RAD51: variants seen among roughly 807,000 people sequenced by gnomAD.
RAD51 encodes the protein RAD51 recombinase.
A neutral mutation model predicts 41.5 loss-of-function variants in RAD51; 14 were observed. That is an observed-to-expected ratio of 0.34 (90% CI 0.22 to 0.53). The LOEUF (loss-of-function observed/expected upper bound fraction) is 0.53, where lower values mean the gene tolerates loss of function less well. RAD51 is among the 20% of genes least tolerant of loss of function. The probability of loss-of-function intolerance (pLI) is 0.95; values close to 1 mark genes in which losing one functional copy is unlikely to be tolerated. For missense variants in RAD51, 234 were observed against 422.0 expected, an observed-to-expected ratio of 0.55 and a Z score of 3.90; for synonymous variants, 136 against 148.6, an observed-to-expected ratio of 0.92 and a Z score of 0.62.
At chr15:40,719,043 T>C (rs1896130795) in intron 6 of RAD51, 144 bp downstream of exon 6, 2 of 743,352 alleles carry the variant, frequency 2.7e-6, no homozygotes, top group Admixed American at 2.3e-5. Context: ...ACTTCCTTAG[T>C]AGAAAAAGGC....
At chr15:40,714,761 A>G (rs1895903126) in intron 5 of RAD51, among the ~76,000 whole-genome samples, 1 of 152,252 alleles carries the variant, frequency 6.6e-6, no homozygotes, top group Admixed American at 6.5e-5. Flanking sequence ...TTCTCAATTT[A>G]ATGAAGTAAA....
At chr15:40,724,198 T>C (rs1896423309) in intron 6 of RAD51, among the ~76,000 whole-genome samples, 1 of 152,244 alleles carries the variant, frequency 6.6e-6, no homozygotes. Flanking sequence ...ATTACTCTTT[T>C]GCAGTCTGAT....
rs752351863 is a variant in RAD51, at chr15:40,728,699, C to A, written c.531-12C>A. The A allele has an allele frequency of 5.0e-6, 8 of 1,609,394 alleles. No individual in the cohort carries two copies. The East Asian group carries it at 1.8e-4, about 36-fold the overall frequency. On this transcript the variant is annotated splice_polypyrimidine_tract_variant and intron_variant, in intron 6 of 9. Transcript: ENST00000267868. ...TGTGTGCAGCCTAAAAATGTTCTCT[C>A]CTCTCTCATAGGTATGGTCTCTCTG...
intron 5 of RAD51, among the ~76,000 whole-genome samples, chr15:40,716,364 G>A (rs781598128): frequency 1.7e-4 from 26 of 151,426 alleles, no homozygotes; most frequent in Admixed American, 6.6e-4. Context: ...TTTTTTCTCC[G>A]CCACTTCCTC....
intron 4 of RAD51, among the ~76,000 whole-genome samples, chr15:40,707,536 A>G (rs1408529214): frequency 6.6e-6 from 1 of 151,100 alleles, no homozygotes; most frequent in Non-Finnish European, 1.5e-5. Flanking sequence ...CGAACTCCTG[A>G]CCTCAGATGA....
chr15:40,694,974 G>T (rs550081935), upstream of RAD51: 4 of 152,224 alleles, frequency 2.6e-5, no homozygotes, highest in East Asian at 7.7e-4. Context: ...ACACGCGTGA[G>T]CCACCGCCCC....
intron 4 of RAD51, 67 bp from the exon 5 acceptor site, chr15:40,708,958 C>A: frequency 7.4e-7 from 1 of 1,342,348 alleles, no homozygotes; most frequent in Non-Finnish European, 1.1e-6. Context: ...GCTCCAAGAA[C>A]ATTTCTATGA....
chr15:40,722,882 T>C (rs569574351), intron 6 of RAD51, among the ~76,000 whole-genome samples: 194 of 152,320 alleles, frequency 1.3e-3, no homozygotes, highest in African/African-American at 4.5e-3. Context: ...TAAAAACTTC[T>C]GTGCTTCAAA....
chr15:40,714,257 C>A (rs541821118), intron 5 of RAD51, among the ~76,000 whole-genome samples: 61 of 152,098 alleles, frequency 4.0e-4, no homozygotes, highest in Non-Finnish European at 7.5e-4. Flanking sequence ...ATAGCTATTG[C>A]GTGAGCTCCA....
chr15:40,712,496 C>T (rs977273086), intron 5 of RAD51, among the ~76,000 whole-genome samples: 1 of 152,118 alleles, frequency 6.6e-6, no homozygotes, highest in African/African-American at 2.4e-5. Context: ...AGCTAACAAA[C>T]TTTCATCTTT....
chr15:40,703,101 C>T (rs1340114085), intron 3 of RAD51, among the ~76,000 whole-genome samples: 1 of 152,200 alleles, frequency 6.6e-6, no homozygotes, highest in Admixed American at 6.5e-5. Context: ...CCCATCACAT[C>T]TACTTGTACT....
At chr15:40,729,333 A>G (rs1330834396) in intron 7 of RAD51, among the ~76,000 whole-genome samples, 172 bp from the exon 8 acceptor site, 1 of 138,726 alleles carries the variant, frequency 7.2e-6, no homozygotes, top group Non-Finnish European at 1.5e-5. Flanking sequence ...AGAATGCCCC[A>G]CTGCACTCCA....
chr15:40,708,949 C>A, intron 4 of RAD51, 76 bp from the exon 5 acceptor site: 1 of 1,252,620 alleles, frequency 8.0e-7, no homozygotes, highest in Non-Finnish European at 1.2e-6. Context: ...TTCTGATGAG[C>A]TCCAAGAACA....
At chr15:40,717,596 T>C (rs970170699) in intron 5 of RAD51, among the ~76,000 whole-genome samples, 1 of 152,156 alleles carries the variant, frequency 6.6e-6, no homozygotes, top group Middle Eastern at 3.2e-3. Flanking sequence ...TCTCTTTTCT[T>C]TCCTTTTTGT....
intron 4 of RAD51, among the ~76,000 whole-genome samples, chr15:40,708,724 A>G (rs982928111): frequency 1.3e-4 from 19 of 151,456 alleles, no homozygotes; most frequent in African/African-American, 3.9e-4. Flanking sequence ...CTGGTACTAC[A>G]GGCATCCGCC....
At position 40,731,922 on chromosome 15, in the gene RAD51, A is replaced by C. The variant is rs150778189; in HGVS notation, c.*744A>C. On this transcript the variant is annotated 3_prime_UTR_variant, in exon 10 of 10. Coordinates refer to ENST00000267868, the MANE Select transcript of RAD51 (RefSeq NM_002875.5). ...TGGTGAAATCCCATCTCTACAAAAA[A>C]TGCAGAACTTAATCTGGACACACTG... is the stretch of plus-strand genomic sequence containing the variant. The C allele has an allele frequency of 2.9e-5, 6 of 209,840 alleles. No homozygotes were observed. The highest frequency in any genetic ancestry group is 1.4e-4 in the African/African-American group (6 of 44,146). The allele number at this position is 209,840 out of a possible 1,614,324, so 13.0% of individuals were successfully genotyped here. A position where few individuals can be genotyped will look rare whatever the true frequency, so the allele number is the denominator to read the frequency against.
intron 6 of RAD51, among the ~76,000 whole-genome samples, chr15:40,720,106 CTG>C (rs1380079068): frequency 6.6e-6 from 1 of 152,034 alleles, no homozygotes; most frequent in East Asian, 1.9e-4. Context: ...TAAAGGGCAT[CTG>C]TGAAAAACCT....
intron 5 of RAD51, among the ~76,000 whole-genome samples, chr15:40,715,133 G>A (rs1306462099): frequency 6.6e-6 from 1 of 152,194 alleles, no homozygotes; most frequent in Non-Finnish European, 1.5e-5. Context: ...TGAGGTGGAT[G>A]GATCACAAGG....
intron 6 of RAD51, among the ~76,000 whole-genome samples, chr15:40,726,529 C>T (rs191950574): frequency 6.6e-6 from 1 of 151,948 alleles, no homozygotes; most frequent in African/African-American, 2.4e-5. Context: ...GCTGAGATTA[C>T]AGGCATGAGT....
Sources: gnomAD v4.1 joint callset for allele counts (sites outside exome capture counted in the v4.1 genomes callset) on GRCh38, gnomAD v4.1.1 for gene constraint, MANE v1.5 for transcripts, NCBI Gene and HGNC (gene_info 2026-07-23, HGNC 2026-07-21) for gene names.